Variants in PREX2 observed in about 807,000 individuals in gnomAD.
The protein encoded by PREX2 is phosphatidylinositol-3,4,5-trisphosphate dependent Rac exchange factor 2.
A neutral mutation model predicts 203.2 loss-of-function variants in PREX2; 107 were observed. The ratio of observed to expected loss-of-function variants is 0.53; its 90% CI spans 0.45 to 0.62. The LOEUF (loss-of-function observed/expected upper bound fraction) is 0.62. Ranked by LOEUF, PREX2 falls within the 20% of genes least tolerant of loss-of-function variation. PREX2 has a pLI of 0.00. For missense variants in PREX2, 1,777 were observed against 1,955.9 expected (o/e 0.91, Z 1.72); for synonymous variants, 672 against 663.6 (o/e 1.01, Z -0.19).
chr8:68,225,756 C>T (rs1813045541), intron 39 of PREX2, among the ~76,000 whole-genome samples: 1 of 152,182 alleles, frequency 6.6e-6, no homozygotes, highest in African/African-American at 2.4e-5. Flanking sequence ...TCGTCTTTCA[C>T]AGTTGATTAG....
At chr8:68,176,449 A>T (rs923800758) in intron 35 of PREX2, among the ~76,000 whole-genome samples, 2 of 152,202 alleles carry the variant, frequency 1.3e-5, no homozygotes, top group Non-Finnish European at 2.9e-5. Context: ...GCATTAATAT[A>T]CTGGAAGATG....
chr8:68,114,508 A>G (rs1810602865), intron 25 of PREX2, among the ~76,000 whole-genome samples: 1 of 152,198 alleles, frequency 6.6e-6, no homozygotes, highest in Admixed American at 6.5e-5. Flanking sequence ...GCTCTTTGAT[A>G]ATAAAGTTCA....
chr8:67,959,476 G>A (rs1179001431), intron 1 of PREX2, among the ~76,000 whole-genome samples: 3 of 152,146 alleles, frequency 2.0e-5, no homozygotes, highest in African/African-American at 7.2e-5. Context: ...TAAGGCAGAT[G>A]AGCCTAGCCA....
intron 31 of PREX2, among the ~76,000 whole-genome samples, chr8:68,130,411 G>C (rs1324703831): frequency 1.3e-5 from 2 of 152,088 alleles, no homozygotes; most frequent in Admixed American, 1.3e-4. Flanking sequence ...GGATATTTTT[G>C]CTGAGAGTTA....
intron 33 of PREX2, among the ~76,000 whole-genome samples, chr8:68,140,385 A>G (rs988653225): frequency 6.6e-6 from 1 of 152,208 alleles, no homozygotes; most frequent in African/African-American, 2.4e-5. Context: ...ATAGGAATAT[A>G]ATTCTTATTT....
Position 68,157,782 on chromosome 8 carries a change from G to C in PREX2, c.4346+346G>C, listed in dbSNP as rs544572404. Reference sequence around the variant, plus strand: ...GATTTATTGGATTAAGGGTAAAACAGGTTTCTCTATGTACCACCAAATAGC... The same window carrying C: ...GATTTATTGGATTAAGGGTAAAACACGTTTCTCTATGTACCACCAAATAGC... On this transcript the variant is annotated intron_variant, in intron 35 of 39. Coordinates refer to ENST00000288368, the MANE Select transcript of PREX2 (RefSeq NM_024870.4). Among the ~76,000 whole-genome samples the C allele has an allele frequency of 9.9e-5, 15 of 152,078 alleles. 1 individual carries two copies. In the South Asian group the frequency reaches 3.1e-3, roughly 32 times the overall value.
Position 68,134,077 on chromosome 8 carries a change from G to C in PREX2, c.3785G>C (p.Arg1262Pro). The C allele has an allele frequency of 6.2e-7, 1 of 1,613,944 alleles. No individual in the cohort carries two copies. The highest frequency in any genetic ancestry group is 8.5e-7 in the Non-Finnish European group (1 of 1,179,842). Residue 1262 changes from arginine to proline, a missense_variant, in exon 32 of 40, where the codon CGT (arginine) becomes CCT (proline). Coordinates refer to ENST00000288368, the MANE Select transcript of PREX2 (RefSeq NM_024870.4). ...LEYSDSETQLRRDMVFCQTLV... is the reference protein window; with the variant it reads ...LEYSDSETQLPRDMVFCQTLV... ...ATCACAGATAGTGAGACACAGCTCCGTAGAGACATGGTTTTCTGCCAGACT... is the reference window on the plus strand; with the variant it reads ...ATCACAGATAGTGAGACACAGCTCCCTAGAGACATGGTTTTCTGCCAGACT...
chr8:68,133,074 G>A (rs535319370), intron 31 of PREX2, among the ~76,000 whole-genome samples: 2 of 152,272 alleles, frequency 1.3e-5, no homozygotes, highest in East Asian at 3.9e-4. Flanking sequence ...AGCCAGGAAG[G>A]CCTCAGAAAA....
At chr8:68,022,208 AG>A (rs1358917649) in intron 4 of PREX2, 68 bp downstream of exon 4, 1 of 806,462 alleles carries the variant, frequency 1.2e-6, no homozygotes, top group Non-Finnish European at 2.2e-6. Context: ...GCCAAGGAAT[AG>A]CATCAATATG....
intron 20 of PREX2, among the ~76,000 whole-genome samples, chr8:68,091,136 T>C (rs1455891977): frequency 6.6e-6 from 1 of 152,144 alleles, no homozygotes; most frequent in Non-Finnish European, 1.5e-5. Context: ...AAATTGTGGG[T>C]TTTATAAGGT....
intron 10 of PREX2, among the ~76,000 whole-genome samples, chr8:68,058,862 C>T (rs1055196761): frequency 2.6e-5 from 4 of 152,176 alleles, no homozygotes; most frequent in Non-Finnish European, 5.9e-5. Flanking sequence ...TGTCTTATGG[C>T]AAAGTACATG....
chr8:68,032,743 T>TCA (rs746298675), intron 6 of PREX2, among the ~76,000 whole-genome samples: 3 of 152,170 alleles, frequency 2.0e-5, no homozygotes, highest in Non-Finnish European at 4.4e-5. Flanking sequence ...TGATCCTTGC[T>TCA]CAGCCTGCAG....
chr8:68,007,671 G>A (rs907413576), intron 1 of PREX2, among the ~76,000 whole-genome samples: 3 of 152,186 alleles, frequency 2.0e-5, no homozygotes, highest in East Asian at 3.9e-4. Context: ...GTGCAGTGGC[G>A]CCATCTTGGC....
intron 19 of PREX2, among the ~76,000 whole-genome samples, chr8:68,089,727 T>C (rs1216106322): frequency 1.3e-5 from 2 of 152,238 alleles, no homozygotes; most frequent in South Asian, 2.1e-4. Context: ...AATTATTTTC[T>C]TAAAGATGTT....
At chr8:68,019,962 T>C (rs1243401905) in intron 3 of PREX2, among the ~76,000 whole-genome samples, 1 of 152,218 alleles carries the variant, frequency 6.6e-6, no homozygotes, top group Non-Finnish European at 1.5e-5. Flanking sequence ...TCATAATGAA[T>C]GAATTTTTAT....
chr8:68,198,263 G>A (rs1812438133), intron 37 of PREX2, among the ~76,000 whole-genome samples: 1 of 152,018 alleles, frequency 6.6e-6, no homozygotes, highest in Admixed American at 6.6e-5. Flanking sequence ...CTTTTTTGAT[G>A]AACAAATAAA....
chr8:68,204,678 C>CTTTTTTTT (rs1192583427), intron 37 of PREX2, among the ~76,000 whole-genome samples: 313 of 83,402 alleles, frequency 3.8e-3, no homozygotes, highest in East Asian at 8.5e-3. Flanking sequence ...TTTCTTCTTT[C>CTTTTTTTT]TTTTTTTTTT....
chr8:68,109,383 A>G (rs189826866), intron 24 of PREX2, 33 bp from the exon 25 acceptor site: 1 of 1,526,996 alleles, frequency 6.5e-7, no homozygotes, highest in East Asian at 2.3e-5. Flanking sequence ...TAAAGGTGAT[A>G]CATATTACTA....
At chr8:68,115,422 A>T (rs1354928429) in intron 25 of PREX2, among the ~76,000 whole-genome samples, 1 of 152,208 alleles carries the variant, frequency 6.6e-6, no homozygotes, top group Non-Finnish European at 1.5e-5. Context: ...TCATTCTCAC[A>T]GCAGTCATGG....
Sources: allele counts gnomAD v4.1 joint callset (sites outside exome capture counted in the v4.1 genomes callset), GRCh38; gene constraint gnomAD v4.1.1; transcripts MANE v1.5; gene names NCBI Gene and HGNC (gene_info 2026-07-23, HGNC 2026-07-21).